Variants in ULK4 observed in about 807,000 individuals in gnomAD.
ULK4 encodes unc-51 like kinase 4.
In ULK4, 133 loss-of-function variants were observed where a neutral mutation model predicts 160.6. That is an observed-to-expected ratio of 0.83 (90% CI 0.72 to 0.96). ULK4 has a LOEUF of 0.96. Ranked by LOEUF, ULK4 falls within the 40% of genes least tolerant of loss-of-function variation. The pLI, the probability that ULK4 is intolerant of heterozygous loss-of-function variation, is 0.00. For synonymous variants in ULK4, 534 were observed against 539.8 expected (o/e 0.99, Z 0.15); for missense variants, 1,580 against 1,499.5 (o/e 1.05, Z -0.89).
intron 5 of ULK4, among the ~76,000 whole-genome samples, chr3:41,921,716 A>C (rs1288696603): frequency 2.0e-5 from 3 of 152,268 alleles, no homozygotes; most frequent in Non-Finnish European, 4.4e-5. Flanking sequence ...GAAAACAAAT[A>C]CACAAAACAG....
intron 31 of ULK4, among the ~76,000 whole-genome samples, chr3:41,591,013 T>C (rs2031262190): frequency 5.3e-5 from 8 of 151,772 alleles, no homozygotes. Flanking sequence ...CAAACACACA[T>C]ATGTACACAC....
intron 32 of ULK4, among the ~76,000 whole-genome samples, chr3:41,540,894 T>C (rs1014471199): frequency 5.3e-5 from 8 of 152,178 alleles, no homozygotes; most frequent in Non-Finnish European, 8.8e-5. Flanking sequence ...TTTTTTCTTG[T>C]AAATTTGCTA....
At chr3:41,647,193 C>T (rs1412363543) in intron 30 of ULK4, among the ~76,000 whole-genome samples, 17 of 151,996 alleles carry the variant, frequency 1.1e-4, no homozygotes, top group African/African-American at 2.2e-4. Context: ...TCTCTCAACT[C>T]GTCAAAGTCA....
At chr3:41,615,528 C>T in intron 31 of ULK4, 141 bp downstream of exon 31, 1 of 696,116 alleles carries the variant, frequency 1.4e-6, no homozygotes, top group Non-Finnish European at 2.4e-6. Flanking sequence ...AGCTGAAGTC[C>T]AAGGAGGTTA....
intron 17 of ULK4, among the ~76,000 whole-genome samples, chr3:41,852,253 C>T (rs1340407295): frequency 1.3e-5 from 2 of 152,034 alleles, no homozygotes; most frequent in African/African-American, 4.8e-5. Flanking sequence ...TAATAGCTTA[C>T]AAACCAAAAA....
intron 13 of ULK4, among the ~76,000 whole-genome samples, chr3:41,900,320 TCTGA>T (rs2148791159): frequency 6.6e-6 from 1 of 152,236 alleles, no homozygotes; most frequent in East Asian, 1.9e-4. Context: ...AGCAGTGCCC[TCTGA>T]CTGCTTGTGC....
chr3:41,805,442 G>C (rs889503061), intron 19 of ULK4, among the ~76,000 whole-genome samples: 16 of 152,202 alleles, frequency 1.1e-4, no homozygotes, highest in Non-Finnish European at 1.6e-4. Context: ...GGGACAATTT[G>C]ACTTCCTCTT....
rs1286912656 is a variant in ULK4 at position 41,692,948 on chromosome 3, G to A, written c.2782-11144C>T. ...TGATTCTCAATGGTATGTCCCAAAT[G>A]AAATCAATGTCTGTGACTTAGGAAT... On this transcript the variant is annotated intron_variant, in intron 27 of 36. Coordinates refer to ENST00000301831, the MANE Select transcript of ULK4 (RefSeq NM_017886.4). 3.3e-5 allele frequency among the ~76,000 whole-genome samples: 5 copies of A among 152,154 alleles called. 1 individual carries two copies. Among genetic ancestry groups the A allele is most frequent in the African/African-American group, 1.2e-4 (5 of 41,440 alleles).
At chr3:41,823,082 A>AC (rs2041203883) in intron 18 of ULK4, among the ~76,000 whole-genome samples, 1 of 136,230 alleles carries the variant, frequency 7.3e-6, no homozygotes, top group African/African-American at 3.7e-5. Context: ...TGAGTGCTAT[A>AC]AAGAAAAACA....
intron 35 of ULK4, among the ~76,000 whole-genome samples, chr3:41,303,460 C>A (rs985761600): frequency 6.6e-6 from 1 of 152,198 alleles, no homozygotes; most frequent in African/African-American, 2.4e-5. Context: ...TATATTACAG[C>A]ACATTAAGAA....
intron 34 of ULK4, among the ~76,000 whole-genome samples, chr3:41,433,814 G>A (rs2125849164): frequency 6.6e-6 from 1 of 152,254 alleles, no homozygotes; most frequent in East Asian, 1.9e-4. Flanking sequence ...CCGCCTTCCG[G>A]GTTCACGCCG....
Position 41,938,168 on chromosome 3 carries a change from C to T in ULK4, c.168G>A (p.Lys56=). The change falls in exon 3 of 37, where the codon AAG becomes AAA. Residue 56 remains lysine (K), a synonymous_variant. Coordinates refer to ENST00000301831, the MANE Select transcript of ULK4 (RefSeq NM_017886.4). ...ACCATTCATGAAAAGTTACAATATT[C>T]TTGTGTTTTATTTCACGGGTGAGAC... is the stretch of plus-strand genomic sequence containing the variant. The part of the protein sequence containing the change: ...WVRLTREIKH[K]NIVTFHEWYE... 3 of 1,613,040 alleles carry T rather than the reference C, an allele frequency of 1.9e-6. No homozygotes were observed. Among genetic ancestry groups the T allele is most frequent in the Non-Finnish European group, 1.7e-6 (2 of 1,179,524 alleles).
At chr3:41,703,672 A>G (rs149735091) in intron 27 of ULK4, among the ~76,000 whole-genome samples, 385 of 152,250 alleles carry the variant, frequency 2.5e-3, no homozygotes, top group African/African-American at 8.8e-3. Flanking sequence ...GAACAAAGAA[A>G]CAGAAGCTAT....
chr3:41,701,531 AC>A (rs2036675256), intron 27 of ULK4, among the ~76,000 whole-genome samples: 1 of 152,226 alleles, frequency 6.6e-6, no homozygotes, highest in Non-Finnish European at 1.5e-5. Flanking sequence ...ACTTTATCAG[AC>A]AGATAGTTTG....
chr3:41,457,973 T>C (rs1231341268), intron 33 of ULK4, among the ~76,000 whole-genome samples: 1 of 152,198 alleles, frequency 6.6e-6, no homozygotes, highest in African/African-American at 2.4e-5. Context: ...TGGTAAAATC[T>C]ACATGATTTG....
At position 41,501,834 on chromosome 3, in the gene ULK4, C is replaced by T. The variant is rs2085220847; in HGVS notation, c.3227-38581G>A. Among the ~76,000 whole-genome samples, 2 of 152,062 alleles carry T rather than the reference C, an allele frequency of 1.3e-5. 1 individual carries two copies. Among genetic ancestry groups the T allele is most frequent in the South Asian group, 4.1e-4 (2 of 4,832 alleles). On this transcript the variant is annotated intron_variant, in intron 32 of 36. Coordinates refer to ENST00000301831, the MANE Select transcript of ULK4 (RefSeq NM_017886.4). ...AATTATCCCATTCCCTGCACCTCAC[C>T]CCTCCCCACTCCAAACCCTGCCACC...
chr3:41,289,504 T>C (rs1435247209), intron 35 of ULK4, among the ~76,000 whole-genome samples: 2 of 152,338 alleles, frequency 1.3e-5, no homozygotes, highest in East Asian at 3.9e-4. Context: ...GTGGACTTAA[T>C]ATGATTTTGG....
intron 30 of ULK4, among the ~76,000 whole-genome samples, chr3:41,663,171 A>C (rs1291660137): frequency 6.6e-6 from 1 of 152,076 alleles, no homozygotes; most frequent in African/African-American, 2.4e-5. Context: ...CAGTGAGCCA[A>C]GATCACACCA....
chr3:41,842,933 C>T (rs1185546165), intron 17 of ULK4, among the ~76,000 whole-genome samples: 3 of 152,290 alleles, frequency 2.0e-5, no homozygotes, highest in Non-Finnish European at 4.4e-5. Flanking sequence ...GAAAAGTCAA[C>T]TTTTTCAATA....
Sources: allele counts gnomAD v4.1 joint callset (sites outside exome capture counted in the v4.1 genomes callset), GRCh38; gene constraint gnomAD v4.1.1; transcripts MANE v1.5; gene names NCBI Gene and HGNC (gene_info 2026-07-23, HGNC 2026-07-21).